The following WDR27 variants were observed in gnomAD, a reference collection of about 807,000 sequenced individuals.
WDR27 encodes WD repeat-containing protein 27.
Under a neutral mutation model 114.4 loss-of-function variants are expected in WDR27, and 100 were observed. The ratio of observed to expected loss-of-function variants is 0.87; its 90% CI spans 0.74 to 1.03. WDR27 has a LOEUF of 1.03. Ranked by LOEUF, WDR27 falls within the 50% of genes least tolerant of loss-of-function variation. The probability of loss-of-function intolerance (pLI) is 0.00; values close to 1 mark genes in which losing one functional copy is unlikely to be tolerated. For synonymous variants in WDR27, 449 were observed against 423.1 expected (o/e 1.06, Z -0.75); for missense variants, 1,129 against 1,092.9 (o/e 1.03, Z -0.47).
rs1805269992 is a variant in WDR27 at position 169,589,406 on chromosome 6, G to A, written c.2425-6472C>T. 3.3e-5 allele frequency among the ~76,000 whole-genome samples: 5 copies of A among 152,164 alleles called. No homozygotes were observed. In the South Asian group the frequency reaches 8.3e-4, roughly 25 times the overall value. ...AAGGAAGCCAGGCTGAGGGCAGGCA[G>A]CCTTCCAAGGCCACTCACCTCTTGA... is the stretch of plus-strand genomic sequence containing the variant. On this transcript the variant is annotated intron_variant, in intron 23 of 25. Coordinates refer to ENST00000448612, the MANE Select transcript of WDR27 (RefSeq NM_182552.5).
chr6:169,652,271 CGGA>C (rs1562821412), intron 13 of WDR27, among the ~76,000 whole-genome samples: 1 of 152,142 alleles, frequency 6.6e-6, no homozygotes, highest in African/African-American at 2.4e-5. Flanking sequence ...GTTGTTGAGA[CGGA>C]GTCTCGCTCT....
chr6:169,509,511 C>G lies in WDR27; in HGVS notation c.2646-51877G>C, dbSNP rs530912924. Among the ~76,000 whole-genome samples, 1,384 of 151,652 alleles carry G rather than the reference C, an allele frequency of 9.1e-3. 12 individuals carry two copies. Among genetic ancestry groups the G allele is most frequent in the African/African-American group, 0.031 (1,294 of 41,296 alleles). On this transcript the variant is annotated intron_variant, in intron 25 of 25. Transcript: ENST00000448612. The stretch of plus-strand genomic sequence containing the variant: ...ACTATCTGATCTTTGACAAACCTGA[C>G]AAAAACAAGCAATGGGGAAAGGATT...
rs1272561879 is a variant in WDR27 at position 169,668,007 on chromosome 6, G to A, written c.635C>T (p.Ser212Leu). 8.7e-6 allele frequency: 14 copies of A among 1,613,806 alleles called. No individual in the cohort carries two copies. Among genetic ancestry groups the A allele is most frequent in the Middle Eastern group, 1.7e-4 (1 of 6,056 alleles). ...FCPWRAGTLISASEDRGFKVW... is the reference protein window; with the variant it reads ...FCPWRAGTLILASEDRGFKVW... Reference sequence around the variant, plus strand: ...CTTAAAGCCTCTGTCCTCAGACGCCGAGATGAGGGTGCCTGCTCGCCAGGG... The same window carrying A: ...CTTAAAGCCTCTGTCCTCAGACGCCAAGATGAGGGTGCCTGCTCGCCAGGG... The change falls in exon 5 of 26, where the codon TCG becomes TTG. Residue 212 changes from serine (S) to leucine (L), a missense_variant. Coordinates refer to ENST00000448612, the MANE Select transcript of WDR27 (RefSeq NM_182552.5).
intron 21 of WDR27, among the ~76,000 whole-genome samples, chr6:169,621,953 A>C (rs904422676): frequency 2.0e-5 from 3 of 152,198 alleles, no homozygotes; most frequent in African/African-American, 4.8e-5. Context: ...TGGGCCCCCA[A>C]ATCACCAAGC....
chr6:169,541,066 T>C (rs1796777161), intron 25 of WDR27, among the ~76,000 whole-genome samples: 1 of 151,080 alleles, frequency 6.6e-6, no homozygotes, highest in African/African-American at 2.4e-5. Flanking sequence ...TTACAATAAA[T>C]TGCAAGGTGA....
At chr6:169,514,495 T>C (rs1483326787) in intron 25 of WDR27, among the ~76,000 whole-genome samples, 1 of 146,264 alleles carries the variant, frequency 6.8e-6, no homozygotes, top group Non-Finnish European at 1.5e-5. Context: ...TATGTATATA[T>C]ATAATATGTA....
At chr6:169,690,270 C>T (rs1243223267) in intron 1 of WDR27, among the ~76,000 whole-genome samples, 3 of 152,182 alleles carry the variant, frequency 2.0e-5, no homozygotes, top group Non-Finnish European at 2.9e-5. Context: ...ACACTGGTCA[C>T]GTGGATTCGA....
chr6:169,445,866 G>C, the WDR27 span, among the ~76,000 whole-genome samples: 1 of 152,230 alleles, frequency 6.6e-6, no homozygotes, highest in South Asian at 2.1e-4. Context: ...CTGGACCCCC[G>C]AGCCCTGACT....
intron 25 of WDR27, among the ~76,000 whole-genome samples, chr6:169,497,483 G>A (rs918776999): frequency 6.6e-6 from 1 of 151,412 alleles, no homozygotes; most frequent in Non-Finnish European, 1.5e-5. Flanking sequence ...CAATCCATAG[G>A]ATCAGAGAAA....
At chr6:169,688,108 T>C (rs1174099523) in intron 2 of WDR27, among the ~76,000 whole-genome samples, 1 of 152,212 alleles carries the variant, frequency 6.6e-6, no homozygotes, top group African/African-American at 2.4e-5. Context: ...ATAAGTAGAA[T>C]GTAATTCTAC....
intron 25 of WDR27, among the ~76,000 whole-genome samples, chr6:169,499,781 CT>C (rs1310247410): frequency 6.6e-6 from 1 of 152,200 alleles, no homozygotes; most frequent in Non-Finnish European, 1.5e-5. Flanking sequence ...AGCTCCTCTT[CT>C]AGATTAGAGA....
At chr6:169,603,151 CT>C (rs11285980) in intron 22 of WDR27, among the ~76,000 whole-genome samples, 43,111 of 136,426 alleles carry the variant, frequency 0.32, 6,796 homozygotes, top group African/African-American at 0.49. Flanking sequence ...CAAGATAATT[CT>C]TTTTTTTTTT....
intron 1 of WDR27, among the ~76,000 whole-genome samples, chr6:169,700,645 G>A (rs1338749649): frequency 6.6e-6 from 1 of 152,194 alleles, no homozygotes; most frequent in Non-Finnish European, 1.5e-5. Flanking sequence ...CAAAGGAATC[G>A]TCTGACTAGA....
chr6:169,575,389 TCTCC>T (rs1802134094), intron 24 of WDR27, among the ~76,000 whole-genome samples: 1 of 66,276 alleles, frequency 1.5e-5, no homozygotes, highest in Admixed American at 1.4e-4. Context: ...TCCCTCCCTC[TCTCC>T]ATCCATCCAT....
At chr6:169,576,215 C>A (rs1802305347) in intron 24 of WDR27, among the ~76,000 whole-genome samples, 1 of 152,222 alleles carries the variant, frequency 6.6e-6, no homozygotes, top group Non-Finnish European at 1.5e-5. Context: ...AGGGGACTCA[C>A]TATCCACTCT....
At chr6:169,609,774 C>T (rs1229399117) in intron 22 of WDR27, among the ~76,000 whole-genome samples, 1 of 152,234 alleles carries the variant, frequency 6.6e-6, no homozygotes, top group Non-Finnish European at 1.5e-5. Context: ...TGAATTTCTC[C>T]TCAGAAAATG....
intron 21 of WDR27, among the ~76,000 whole-genome samples, chr6:169,619,251 G>C (rs1219622169): frequency 1.3e-5 from 2 of 152,132 alleles, no homozygotes; most frequent in South Asian, 4.1e-4. Context: ...GAAATTAGAC[G>C]GTCACCATGT....
intron 21 of WDR27, among the ~76,000 whole-genome samples, chr6:169,628,619 A>T (rs1263807966): frequency 6.6e-6 from 1 of 152,190 alleles, no homozygotes; most frequent in Non-Finnish European, 1.5e-5. Flanking sequence ...GCCAGTTCAG[A>T]TGCAGCCTTC....
chr6:169,465,258 C>CAAAAGAAAAA (rs1562450501), intron 25 of WDR27, among the ~76,000 whole-genome samples: 1 of 101,140 alleles, frequency 9.9e-6, no homozygotes, highest in Non-Finnish European at 1.8e-5. Flanking sequence ...AACTCCATCT[C>CAAAAGAAAAA]AAAAAAAAAA....
Sources: allele counts gnomAD v4.1 joint callset (sites outside exome capture counted in the v4.1 genomes callset), GRCh38; gene constraint gnomAD v4.1.1; transcripts MANE v1.5; gene names NCBI Gene and HGNC (gene_info 2026-07-23, HGNC 2026-07-21).